Variants in GRIP1 observed in about 807,000 individuals in gnomAD.
The protein encoded by GRIP1 is glutamate receptor-interacting protein 1.
GRIP1 carries 45 observed loss-of-function variants against 129.9 expected under a neutral mutation model. The ratio of observed to expected loss-of-function variants is 0.35; its 90% CI spans 0.27 to 0.44. The LOEUF (loss-of-function observed/expected upper bound fraction) is 0.44, where lower values mean the gene tolerates loss of function less well. Among genes scored for constraint, GRIP1 ranks in the 20% least tolerant of loss-of-function variants. The pLI is 1.00. For synonymous variants in GRIP1, 530 were observed against 520.8 expected, an observed-to-expected ratio of 1.02 and a Z score of -0.24; for missense variants, 1,196 against 1,396.8, an observed-to-expected ratio of 0.86 and a Z score of 2.29.
intron 1 of GRIP1, among the ~76,000 whole-genome samples, chr12:67,026,263 T>C (rs2135759410): frequency 6.6e-6 from 1 of 152,366 alleles, no homozygotes; most frequent in South Asian, 2.1e-4. Flanking sequence ...TCATGCCTAA[T>C]CTTACCATTC....
At chr12:66,700,900 C>T (rs568127900) in intron 1 of GRIP1, among the ~76,000 whole-genome samples, 15 of 152,222 alleles carry the variant, frequency 9.9e-5, no homozygotes, top group East Asian at 9.7e-4. Flanking sequence ...GAATCCCCCA[C>T]GGGCTGCCTA....
At chr12:66,843,853 C>T (rs530185268) in intron 1 of GRIP1, among the ~76,000 whole-genome samples, 1 of 151,972 alleles carries the variant, frequency 6.6e-6, no homozygotes, top group African/African-American at 2.4e-5. Flanking sequence ...AAAACTCTTA[C>T]AAGAAAACTC....
chr12:66,878,968 A>G (rs2040428067), intron 1 of GRIP1, among the ~76,000 whole-genome samples: 1 of 151,972 alleles, frequency 6.6e-6, no homozygotes, highest in African/African-American at 2.4e-5. Flanking sequence ...CAATATGGAC[A>G]CTGATTTGAG....
intron 23 of GRIP1, among the ~76,000 whole-genome samples, chr12:66,361,262 C>G (rs1391226783): frequency 6.6e-6 from 1 of 152,142 alleles, no homozygotes; most frequent in African/African-American, 2.4e-5. Flanking sequence ...AAAGGAAGAG[C>G]TGCTCCAAAT....
intron 1 of GRIP1, among the ~76,000 whole-genome samples, chr12:66,677,433 G>T (rs1409701275): frequency 2.6e-5 from 4 of 152,070 alleles, no homozygotes; most frequent in African/African-American, 9.7e-5. Flanking sequence ...CCAAAATCAG[G>T]TCAGAAAAGA....
chr12:66,476,340 C>T (rs180764437), intron 7 of GRIP1, among the ~76,000 whole-genome samples: 1 of 152,136 alleles, frequency 6.6e-6, no homozygotes, highest in East Asian at 1.9e-4. Flanking sequence ...TCTTAACAGA[C>T]CAATAACAGG....
chr12:66,394,563 T>C (rs1265488474), intron 16 of GRIP1, among the ~76,000 whole-genome samples: 3 of 152,234 alleles, frequency 2.0e-5, no homozygotes, highest in African/African-American at 7.2e-5. Context: ...AGAGGAACAC[T>C]GCCTAATGAC....
At chr12:67,063,162 G>A (rs1565662562) in intron 1 of GRIP1, among the ~76,000 whole-genome samples, 1 of 152,180 alleles carries the variant, frequency 6.6e-6, no homozygotes, top group Non-Finnish European at 1.5e-5. Context: ...GTTAGTAAGT[G>A]CTGGAGTGAA....
At chr12:66,476,262 C>T (rs2059606477) in intron 7 of GRIP1, among the ~76,000 whole-genome samples, 1 of 152,180 alleles carries the variant, frequency 6.6e-6, no homozygotes, top group Non-Finnish European at 1.5e-5. Context: ...ACTAGAAAAT[C>T]TAGAAGAAAT....
chr12:66,715,918 G>A (rs770451007), intron 1 of GRIP1, among the ~76,000 whole-genome samples: 31 of 151,954 alleles, frequency 2.0e-4, no homozygotes, highest in Admixed American at 3.9e-4. Context: ...AAGAAGCATC[G>A]CTCACCCAGC....
chr12:66,714,683 T>C (rs1310119328), intron 1 of GRIP1, among the ~76,000 whole-genome samples: 2 of 152,062 alleles, frequency 1.3e-5, no homozygotes, highest in African/African-American at 4.8e-5. Context: ...AAGAAAATTA[T>C]GTGTCATTGT....
upstream of GRIP1, among the ~76,000 whole-genome samples, chr12:66,679,531 C>T (rs1055672578): frequency 1.3e-5 from 2 of 150,860 alleles, no homozygotes; most frequent in Non-Finnish European, 2.9e-5. Context: ...CTGCCTATAG[C>T]GGGGAAGCAG....
intron 1 of GRIP1, among the ~76,000 whole-genome samples, chr12:66,851,232 A>C (rs1211788705): frequency 6.6e-6 from 1 of 151,768 alleles, no homozygotes; most frequent in Admixed American, 6.6e-5. Context: ...TCATCATCTG[A>C]AAGACGGCAT....
At chr12:66,480,718 A>T (rs1006739959) in intron 7 of GRIP1, among the ~76,000 whole-genome samples, 1 of 152,340 alleles carries the variant, frequency 6.6e-6, no homozygotes, top group South Asian at 2.1e-4. Context: ...ACAGAGATAT[A>T]GACCAATGGA....
chr12:66,761,354 T>C (rs1338394160), intron 1 of GRIP1, among the ~76,000 whole-genome samples: 1 of 152,098 alleles, frequency 6.6e-6, no homozygotes, highest in Non-Finnish European at 1.5e-5. Context: ...CAGAGCTGGG[T>C]GCAAGTCTTC....
At chr12:66,941,176 C>A (rs1356921677) in intron 1 of GRIP1, among the ~76,000 whole-genome samples, 1 of 152,024 alleles carries the variant, frequency 6.6e-6, no homozygotes, top group Non-Finnish European at 1.5e-5. Context: ...AAAAAAAACT[C>A]CATTCAGGGC....
chr12:66,749,532 T>C (rs1184693160), intron 1 of GRIP1, among the ~76,000 whole-genome samples: 1 of 152,248 alleles, frequency 6.6e-6, no homozygotes, highest in Admixed American at 6.5e-5. Context: ...TTACTGACTC[T>C]TCTTAAACGT....
In GRIP1 at chr12:66,860,074, A is replaced by G. The variant is rs142715319; in HGVS notation, c.58+208976T>C. Among the ~76,000 whole-genome samples the G allele has an allele frequency of 6.6e-5, 10 of 152,226 alleles. No individual in the cohort carries two copies. In the East Asian group the frequency reaches 1.9e-3, roughly 30 times the overall value. On this transcript the variant is annotated intron_variant, in intron 1 of 1. Transcript: ENST00000643019. Reference sequence around the variant, plus strand: ...TAAGTGCTTAACTTACAAACTTTCCAAAATTTACAATTTAATATAAGATCC... The same window carrying G: ...TAAGTGCTTAACTTACAAACTTTCCGAAATTTACAATTTAATATAAGATCC...
chr12:66,864,969 T>C (rs1215504175), intron 1 of GRIP1, among the ~76,000 whole-genome samples: 1 of 152,154 alleles, frequency 6.6e-6, no homozygotes, highest in African/African-American at 2.4e-5. Flanking sequence ...AAAATTTAAA[T>C]GTTCCCTTAA....
Sources: allele counts gnomAD v4.1 joint callset (sites outside exome capture counted in the v4.1 genomes callset), GRCh38; gene constraint gnomAD v4.1.1; transcripts MANE v1.5; gene names NCBI Gene and HGNC (gene_info 2026-07-23, HGNC 2026-07-21).